The following UBE2H variants were observed in gnomAD, a reference collection of about 807,000 sequenced individuals.
UBE2H encodes ubiquitin-conjugating enzyme E2 H.
UBE2H carries 3 observed loss-of-function variants against 29.0 expected under a neutral mutation model. The ratio of observed to expected loss-of-function variants is 0.10; its 90% CI spans 0.05 to 0.27. The LOEUF is 0.27. Ranked by LOEUF, UBE2H falls within the 10% of genes least tolerant of loss-of-function variation. The pLI is 1.00. For missense variants in UBE2H, 68 were observed against 228.2 expected, an observed-to-expected ratio of 0.30 and a Z score of 4.52; for synonymous variants, 69 against 82.9, an observed-to-expected ratio of 0.83 and a Z score of 0.91.
chr7:129,947,361 CTCA>C (rs1807785983), intron 1 of UBE2H, among the ~76,000 whole-genome samples: 1 of 152,128 alleles, frequency 6.6e-6, no homozygotes, highest in Non-Finnish European at 1.5e-5. Flanking sequence ...CAACTTTCAT[CTCA>C]TCATCTCACT....
chr7:129,857,371 G>A (rs1805725651), intron 5 of UBE2H, 140 bp downstream of exon 5: 1 of 776,280 alleles, frequency 1.3e-6, no homozygotes, highest in African/African-American at 1.8e-5. Context: ...TTTTTCCACT[G>A]ATCAAACTTT....
intron 5 of UBE2H, among the ~76,000 whole-genome samples, chr7:129,844,506 A>G (rs1323886899): frequency 2.0e-5 from 3 of 152,238 alleles, no homozygotes; most frequent in South Asian, 2.1e-4. Flanking sequence ...GTCGATAATA[A>G]TAACGATAAA....
intron 3 of UBE2H, among the ~76,000 whole-genome samples, chr7:129,867,842 A>G (rs1465731326): frequency 1.3e-5 from 2 of 151,606 alleles, no homozygotes; most frequent in Non-Finnish European, 2.9e-5. Context: ...CACACACACT[A>G]AACTGGAAGC....
chr7:129,848,306 C>T (rs1805547515), intron 5 of UBE2H, among the ~76,000 whole-genome samples: 1 of 152,204 alleles, frequency 6.6e-6, no homozygotes, highest in African/African-American at 2.4e-5. Context: ...AATTCTGCAT[C>T]CTCCAGAAGC....
At chr7:129,890,465 C>T (rs1246625382) in intron 1 of UBE2H, among the ~76,000 whole-genome samples, 4 of 151,628 alleles carry the variant, frequency 2.6e-5, no homozygotes, top group Non-Finnish European at 5.9e-5. Context: ...CTACAACCTC[C>T]GCCTCCCAGG....
At chr7:129,900,533 C>A (rs991839231) in intron 1 of UBE2H, among the ~76,000 whole-genome samples, 1 of 152,028 alleles carries the variant, frequency 6.6e-6, no homozygotes, top group Non-Finnish European at 1.5e-5. Flanking sequence ...TCAACCTCAC[C>A]CCCATGTTTC....
intron 1 of UBE2H, among the ~76,000 whole-genome samples, chr7:129,944,624 G>C (rs954178376): frequency 6.6e-6 from 1 of 151,768 alleles, no homozygotes; most frequent in African/African-American, 2.4e-5. Context: ...AAGTGGCCAC[G>C]ACTGCAGTGA....
intron 1 of UBE2H, among the ~76,000 whole-genome samples, chr7:129,945,693 C>A (rs562264781): frequency 3.3e-5 from 5 of 151,272 alleles, no homozygotes; most frequent in African/African-American, 1.2e-4. Flanking sequence ...AGAAAAATGG[C>A]AAAGAATTAA....
In UBE2H at chr7:129,890,261, GTATA is replaced by G. The variant is rs1055075883; in HGVS notation, c.54-9294_54-9291del. 4.6e-4 allele frequency among the ~76,000 whole-genome samples: 69 copies of G among 148,618 alleles called. 2 individuals are homozygous for G. The highest frequency in any genetic ancestry group is 7.0e-3 in the Middle Eastern group (2 of 284). ...TATATACACACGTATACATACACAC[GTATA>G]TATACACACGTATATATATACACGT... is the stretch of plus-strand genomic sequence containing the variant. On this transcript the variant is annotated intron_variant, in intron 1 of 6. Transcript: ENST00000355621.
intron 1 of UBE2H, among the ~76,000 whole-genome samples, chr7:129,944,022 C>T (rs1307982281): frequency 1.3e-5 from 2 of 152,052 alleles, no homozygotes; most frequent in African/African-American, 4.8e-5. Flanking sequence ...AAAAATAAAT[C>T]AGTGCTTTAA....
At chr7:129,950,452 C>T (rs998994644) in intron 1 of UBE2H, among the ~76,000 whole-genome samples, 21 of 152,260 alleles carry the variant, frequency 1.4e-4, no homozygotes, top group African/African-American at 4.8e-4. Context: ...TCTCCACCCC[C>T]CACACCCCGA....
intron 5 of UBE2H, among the ~76,000 whole-genome samples, chr7:129,855,601 C>T (rs1038915562): frequency 2.0e-5 from 3 of 152,150 alleles, no homozygotes; most frequent in African/African-American, 7.2e-5. Context: ...GCACCAGGCA[C>T]TGTTACAGTC....
chr7:129,852,270 A>C (rs1247397558), intron 5 of UBE2H, among the ~76,000 whole-genome samples: 1 of 152,200 alleles, frequency 6.6e-6, no homozygotes, highest in Admixed American at 6.5e-5. Flanking sequence ...TATCTAACTG[A>C]AAAGGGGATG....
intron 1 of UBE2H, among the ~76,000 whole-genome samples, chr7:129,909,201 A>G (rs12531622): frequency 0.062 from 9,517 of 152,300 alleles, 368 homozygotes; most frequent in Non-Finnish European, 0.092. Context: ...ACTATGTAAT[A>G]TAAGGAGCAG....
At chr7:129,873,097 C>T (rs1806075936) in intron 3 of UBE2H, among the ~76,000 whole-genome samples, 1 of 150,866 alleles carries the variant, frequency 6.6e-6, no homozygotes, top group South Asian at 2.1e-4. Context: ...TTGGCTCATG[C>T]AAGCTCCGCC....
intron 1 of UBE2H, among the ~76,000 whole-genome samples, chr7:129,946,395 A>G (rs939696620): frequency 2.0e-5 from 3 of 152,166 alleles, no homozygotes; most frequent in Non-Finnish European, 4.4e-5. Flanking sequence ...AACAGTTGCA[A>G]AAATATTAAG....
chr7:129,931,406 C>T (rs1015876802), intron 1 of UBE2H, among the ~76,000 whole-genome samples: 1 of 150,608 alleles, frequency 6.6e-6, no homozygotes, highest in East Asian at 2.0e-4. Context: ...AAAAAAAAAA[C>T]CTGAAGACCT....
chr7:129,843,944 GACAACGTGTTATAAA>G lies in UBE2H; in HGVS notation c.299-4624_299-4610del, dbSNP rs201389663. Among the ~76,000 whole-genome samples the G allele has an allele frequency of 5.9e-5, 9 of 152,302 alleles. No homozygotes were observed. In the East Asian group the frequency reaches 1.5e-3, roughly 26 times the overall value. ...GCTTCAGGGCTAGAGAAATATCACAGACAACGTGTTATAAAACTAGGAGTTTAGCGTGTCCCAGAA... is the reference window on the plus strand; with the variant it reads ...GCTTCAGGGCTAGAGAAATATCACAGACTAGGAGTTTAGCGTGTCCCAGAA... On this transcript the variant is annotated intron_variant, in intron 5 of 6. Transcript: ENST00000355621.
chr7:129,860,972 A>G (rs910785512), intron 3 of UBE2H, among the ~76,000 whole-genome samples: 1 of 152,244 alleles, frequency 6.6e-6, no homozygotes, highest in Non-Finnish European at 1.5e-5. Context: ...ATGTAATCCC[A>G]GCACTTTGGG....
Sources: gnomAD v4.1 joint callset for allele counts (sites outside exome capture counted in the v4.1 genomes callset) on GRCh38, gnomAD v4.1.1 for gene constraint, MANE v1.5 for transcripts, NCBI Gene and HGNC (gene_info 2026-07-23, HGNC 2026-07-21) for gene names.